Variants in FMN1 observed in about 807,000 individuals in gnomAD.
The protein encoded by FMN1 is formin 1, also known as formin-1.
Under a neutral mutation model 132.4 loss-of-function variants are expected in FMN1, and 110 were observed. The ratio of observed to expected loss-of-function variants is 0.83; its 90% CI spans 0.71 to 0.97. FMN1 has a LOEUF of 0.97. Ranked by LOEUF, FMN1 falls within the 50% of genes least tolerant of loss-of-function variation. FMN1 has a pLI of 0.00. For missense variants in FMN1, 1,792 were observed against 1,705.3 expected, an observed-to-expected ratio of 1.05 and a Z score of -0.90; for synonymous variants, 722 against 651.7, an observed-to-expected ratio of 1.11 and a Z score of -1.64.
At chr15:32,928,626 A>G (rs1444036096) in intron 9 of FMN1, among the ~76,000 whole-genome samples, 1 of 152,214 alleles carries the variant, frequency 6.6e-6, no homozygotes, top group Non-Finnish European at 1.5e-5. Flanking sequence ...GTGCAAATTC[A>G]AAAAGAGAAA....
At chr15:32,915,134 G>A (rs964294435) in intron 10 of FMN1, among the ~76,000 whole-genome samples, 11 of 152,184 alleles carry the variant, frequency 7.2e-5, no homozygotes, top group African/African-American at 2.4e-4. Flanking sequence ...GGCCTGGGAA[G>A]GTTAGGGTAT....
intron 2 of FMN1, among the ~76,000 whole-genome samples, chr15:33,188,666 A>G (rs1965972530): frequency 6.6e-6 from 1 of 152,140 alleles, no homozygotes. Context: ...TGTGGCAGCT[A>G]TTGATACATT....
intron 18 of FMN1, among the ~76,000 whole-genome samples, chr15:32,803,967 G>C (rs562903708): frequency 5.9e-5 from 9 of 152,258 alleles, no homozygotes; most frequent in African/African-American, 2.2e-4. Flanking sequence ...AACACATGGG[G>C]CCGAAAGTAG....
chr15:32,992,731 A>G (rs2033512946), intron 7 of FMN1, among the ~76,000 whole-genome samples: 1 of 152,166 alleles, frequency 6.6e-6, no homozygotes. Context: ...AAGACATGAA[A>G]TTTTTACTAT....
At chr15:33,098,337 C>T (rs1477915782) in intron 4 of FMN1, among the ~76,000 whole-genome samples, 1 of 152,200 alleles carries the variant, frequency 6.6e-6, no homozygotes, top group Non-Finnish European at 1.5e-5. Context: ...TAACTCATAG[C>T]AAAGTGGATT....
At chr15:32,926,343 T>A in intron 9 of FMN1, 82 bp from the exon 10 acceptor site, 2 of 715,996 alleles carry the variant, frequency 2.8e-6, no homozygotes, top group Non-Finnish European at 4.6e-6. Flanking sequence ...AACATTAAAT[T>A]TTTTTAGATA....
intron 7 of FMN1, chr15:32,970,827 T>C (rs1198111681): frequency 1.3e-5 from 2 of 152,158 alleles, no homozygotes; most frequent in Admixed American, 1.3e-4. Flanking sequence ...TATTTTTTAC[T>C]AGGTTCAACT....
chr15:33,008,094 G>T lies in FMN1; in HGVS notation c.2162-19C>A, dbSNP rs1351785041. On this transcript the variant is annotated intron_variant, in intron 6 of 20. Transcript: ENST00000616417. ...TGGTATTCTGTAAAATCAAAAAAGA[G>T]GCCAATTATAAAGAAGTACAAAATT... The T allele has an allele frequency of 6.4e-7, 1 of 1,572,194 alleles. No homozygotes were observed. The highest frequency in any genetic ancestry group is 1.8e-5 in the Admixed American group (1 of 54,822).
At chr15:32,807,475 A>G (rs2057721731) in intron 17 of FMN1, among the ~76,000 whole-genome samples, 1 of 152,190 alleles carries the variant, frequency 6.6e-6, no homozygotes, top group Non-Finnish European at 1.5e-5. Flanking sequence ...TTCTCCAGTG[A>G]TTTTAAGTTA....
At chr15:32,789,976 A>G (rs28674168) in intron 19 of FMN1, among the ~76,000 whole-genome samples, 21,804 of 152,212 alleles carry the variant, frequency 0.14, 1,645 homozygotes, top group Middle Eastern at 0.2. Context: ...TACACTCTAT[A>G]ATGTTCGCAC....
intron 10 of FMN1, among the ~76,000 whole-genome samples, chr15:32,923,199 G>A (rs1021699317): frequency 6.6e-6 from 1 of 152,116 alleles, no homozygotes; most frequent in Non-Finnish European, 1.5e-5. Flanking sequence ...CTTGCCAGGC[G>A]GCCAGCTGGC....
chr15:32,887,693 AAC>A (rs1352997519), intron 16 of FMN1, among the ~76,000 whole-genome samples: 4 of 152,214 alleles, frequency 2.6e-5, no homozygotes, highest in African/African-American at 9.7e-5. Flanking sequence ...AGAAACTAGA[AAC>A]TAGAAAATGT....
At chr15:32,774,434 G>C (rs2056350386) in intron 20 of FMN1, 80 bp from the exon 21 acceptor site, 1 of 1,207,132 alleles carries the variant, frequency 8.3e-7, no homozygotes, top group African/African-American at 1.5e-5. Context: ...TTTTGGTCTA[G>C]AATGCTGAGT....
intron 15 of FMN1, among the ~76,000 whole-genome samples, chr15:32,895,253 G>A (rs2060125749): frequency 6.6e-6 from 1 of 151,686 alleles, no homozygotes; most frequent in Non-Finnish European, 1.5e-5. Flanking sequence ...TGTGTGAGAT[G>A]CGCCACCATT....
At chr15:33,111,616 T>C (rs1306572191) in intron 4 of FMN1, among the ~76,000 whole-genome samples, 1 of 152,168 alleles carries the variant, frequency 6.6e-6, no homozygotes, top group Non-Finnish European at 1.5e-5. Context: ...AAATGTGCTA[T>C]ATCCATATGA....
At chr15:33,062,128 T>TA (rs1378326206) in intron 6 of FMN1, among the ~76,000 whole-genome samples, 1 of 152,094 alleles carries the variant, frequency 6.6e-6, no homozygotes, top group Non-Finnish European at 1.5e-5. Context: ...GATAGGTATT[T>TA]AGTAAGAAAA....
chr15:32,901,511 A>T (rs2060296078), intron 13 of FMN1, among the ~76,000 whole-genome samples: 1 of 152,164 alleles, frequency 6.6e-6, no homozygotes, highest in African/African-American at 2.4e-5. Context: ...AGTCTCTAGG[A>T]TCCTCTTATT....
chr15:32,846,409 G>C (rs939868943), intron 17 of FMN1, among the ~76,000 whole-genome samples: 2 of 152,084 alleles, frequency 1.3e-5, no homozygotes, highest in Admixed American at 1.3e-4. Flanking sequence ...AGTGGGCAAA[G>C]GAGATGAACA....
chr15:33,169,519 T>G (rs1595594516), intron 3 of FMN1, among the ~76,000 whole-genome samples: 1 of 152,010 alleles, frequency 6.6e-6, no homozygotes, highest in Non-Finnish European at 1.5e-5. Context: ...GGAAGAAGGG[T>G]AAGTTTCTTC....
Sources: allele counts gnomAD v4.1 joint callset (sites outside exome capture counted in the v4.1 genomes callset), GRCh38; gene constraint gnomAD v4.1.1; transcripts MANE v1.5; gene names NCBI Gene and HGNC (gene_info 2026-07-23, HGNC 2026-07-21).